GSK3B: variants seen among roughly 807,000 people sequenced by gnomAD.
GSK3B encodes the protein glycogen synthase kinase 3 beta, also known as glycogen synthase kinase-3 beta.
In GSK3B, 15 loss-of-function variants were observed where a neutral mutation model predicts 56.4. That is an observed-to-expected ratio of 0.27 (90% CI 0.18 to 0.41). The LOEUF is 0.41. GSK3B is among the 10% of genes least tolerant of loss of function. The pLI is 1.00. For missense variants in GSK3B, 300 were observed against 513.4 expected, an observed-to-expected ratio of 0.58 and a Z score of 4.02; for synonymous variants, 181 against 188.9, an observed-to-expected ratio of 0.96 and a Z score of 0.34.
intron 2 of GSK3B, among the ~76,000 whole-genome samples, chr3:119,989,409 G>A (rs536451893): frequency 1.1e-4 from 16 of 152,256 alleles, no homozygotes; most frequent in Admixed American, 8.5e-4. Context: ...TTGGGAGGCT[G>A]AGGCACATGT....
At chr3:119,985,335 A>G (rs2057505766) in intron 2 of GSK3B, among the ~76,000 whole-genome samples, 1 of 152,250 alleles carries the variant, frequency 6.6e-6, no homozygotes, top group African/African-American at 2.4e-5. Context: ...AGTTCTGGTC[A>G]GGGCAATCAG....
chr3:119,873,797 T>G (rs1314996957), intron 8 of GSK3B, among the ~76,000 whole-genome samples: 1 of 152,180 alleles, frequency 6.6e-6, no homozygotes, highest in Non-Finnish European at 1.5e-5. Context: ...CACTCTAGTA[T>G]GCACAAATGA....
At chr3:119,948,619 T>C (rs762416829) in intron 2 of GSK3B, among the ~76,000 whole-genome samples, 112 of 152,314 alleles carry the variant, frequency 7.4e-4, no homozygotes, top group Middle Eastern at 6.8e-3. Flanking sequence ...GAGAGGAACA[T>C]AGAAAACTAC....
chr3:120,041,014 C>T (rs1333220020), intron 1 of GSK3B, among the ~76,000 whole-genome samples: 1 of 152,130 alleles, frequency 6.6e-6, no homozygotes, highest in African/African-American at 2.4e-5. Context: ...GGGTGGGCAG[C>T]ATCAAGGATC....
chr3:119,848,259 G>T (rs544597975), intron 9 of GSK3B, among the ~76,000 whole-genome samples: 2 of 152,250 alleles, frequency 1.3e-5, no homozygotes, highest in African/African-American at 4.8e-5. Flanking sequence ...TGTTACTTAA[G>T]TATTTAGCCT....
intron 2 of GSK3B, among the ~76,000 whole-genome samples, chr3:119,977,601 A>G (rs1386910984): frequency 6.6e-6 from 1 of 152,170 alleles, no homozygotes; most frequent in Non-Finnish European, 1.5e-5. Flanking sequence ...ACAAATTTCC[A>G]TGACTTAAAG....
chr3:119,936,586 G>A (rs2056997402), intron 3 of GSK3B, among the ~76,000 whole-genome samples: 2 of 151,642 alleles, frequency 1.3e-5, no homozygotes, highest in Admixed American at 6.6e-5. Flanking sequence ...GACCTCAGGT[G>A]ATCCACCTGC....
chr3:120,006,332 A>G (rs2057727456), intron 1 of GSK3B, among the ~76,000 whole-genome samples: 1 of 152,176 alleles, frequency 6.6e-6, no homozygotes, highest in Non-Finnish European at 1.5e-5. Flanking sequence ...TTAACACCCC[A>G]CTGTCAATAT....
intron 10 of GSK3B, among the ~76,000 whole-genome samples, chr3:119,839,264 A>G (rs2055736911): frequency 6.6e-6 from 1 of 152,248 alleles, no homozygotes; most frequent in East Asian, 1.9e-4. Context: ...AAAGCCATTT[A>G]ACAGCTTTGG....
intron 3 of GSK3B, among the ~76,000 whole-genome samples, chr3:119,929,141 GA>G (rs1214531231): frequency 1.3e-5 from 2 of 151,810 alleles, no homozygotes; most frequent in Non-Finnish European, 2.9e-5. Flanking sequence ...AAGGCTAAAA[GA>G]AAAAAATGCA....
At chr3:119,937,241 T>C (rs1407554969) in intron 3 of GSK3B, among the ~76,000 whole-genome samples, 1 of 152,070 alleles carries the variant, frequency 6.6e-6, no homozygotes, top group Admixed American at 6.5e-5. Context: ...AGATGGGGTC[T>C]AATGGAAGGT....
intron 4 of GSK3B, among the ~76,000 whole-genome samples, chr3:119,919,501 A>G (rs2056815397): frequency 6.6e-6 from 1 of 150,590 alleles, no homozygotes; most frequent in African/African-American, 2.4e-5. Flanking sequence ...GGCCTCTGAA[A>G]GCGCTGTGGT....
intron 10 of GSK3B, chr3:119,833,103 TC>T (rs1397969409): frequency 3.0e-6 from 1 of 331,458 alleles, no homozygotes; most frequent in Non-Finnish European, 4.3e-6. Context: ...TTGCCTTGAT[TC>T]CTTGCTGTCT....
intron 1 of GSK3B, among the ~76,000 whole-genome samples, chr3:120,011,390 C>T (rs1378408510): frequency 3.9e-5 from 6 of 152,270 alleles, no homozygotes; most frequent in African/African-American, 2.4e-5. Flanking sequence ...TTCACTCCAG[C>T]CACTGAGCCT....
intron 1 of GSK3B, among the ~76,000 whole-genome samples, chr3:120,061,513 G>A (rs1008052673): frequency 2.6e-5 from 4 of 152,086 alleles, no homozygotes. Flanking sequence ...AATACCACAG[G>A]AGTGTTAAGA....
intron 2 of GSK3B, among the ~76,000 whole-genome samples, chr3:119,987,881 T>C (rs1368899470): frequency 6.6e-6 from 1 of 152,240 alleles, no homozygotes; most frequent in Admixed American, 6.5e-5. Context: ...TGTTCCAAAG[T>C]TATGGAAGAC....
chr3:119,831,983 G>A (rs1183615750), intron 10 of GSK3B, among the ~76,000 whole-genome samples: 2 of 152,216 alleles, frequency 1.3e-5, no homozygotes, highest in Non-Finnish European at 2.9e-5. Context: ...TTTCCAAGAT[G>A]ACCCCAATGA....
chr3:119,836,022 A>G (rs1189532107), intron 10 of GSK3B, among the ~76,000 whole-genome samples: 1 of 152,198 alleles, frequency 6.6e-6, no homozygotes, highest in African/African-American at 2.4e-5. Context: ...CCAACTAAAA[A>G]GAATTGGCTG....
At chr3:119,848,815 T>G (rs915953192) in intron 9 of GSK3B, among the ~76,000 whole-genome samples, 1 of 152,180 alleles carries the variant, frequency 6.6e-6, no homozygotes, top group African/African-American at 2.4e-5. Flanking sequence ...AAGGAAAAGC[T>G]TAAAACTGAG....
Sources: allele counts gnomAD v4.1 joint callset (sites outside exome capture counted in the v4.1 genomes callset), GRCh38; gene constraint gnomAD v4.1.1; transcripts MANE v1.5; gene names NCBI Gene and HGNC (gene_info 2026-07-23, HGNC 2026-07-21).